The following RAG1 variants were observed in gnomAD, a reference collection of about 807,000 sequenced individuals.
RAG1 encodes V(D)J recombination-activating protein 1.
Under a neutral mutation model 62.7 loss-of-function variants are expected in RAG1, and 35 were observed. That is an observed-to-expected ratio of 0.56 (90% confidence interval 0.43 to 0.74). The LOEUF (loss-of-function observed/expected upper bound fraction) is 0.74. Ranked by LOEUF, RAG1 falls within the 30% of genes least tolerant of loss-of-function variation. RAG1 has a pLI of 0.00. For synonymous variants in RAG1, 461 were observed against 470.3 expected (o/e 0.98, Z 0.26); for missense variants, 1,169 against 1,278.6 (o/e 0.91, Z 1.31).
chr11:36,573,582 A>G lies in RAG1; in HGVS notation c.278A>G (p.Asp93Gly). The change falls in exon 2 of 2, where the codon GAC (aspartate) becomes GGC (glycine). Residue 93 changes from aspartate to glycine, a missense_variant. Around this residue, in one of 2 missense-constraint regions of RAG1, gnomAD observed 369 missense variants for 335.3 expected, o/e 1.10. Coordinates refer to ENST00000299440, the MANE Select transcript of RAG1 (RefSeq NM_000448.3). The stretch of plus-strand genomic sequence containing the variant: ...CCTAAGTTTTCAAAGAAATTTCACG[A>G]CAACGAGAAAGCAAGAGGCAAAGCG... ...AHPKFSKKFH[D>G]NEKARGKAIH... 2 of 1,614,220 alleles carry G rather than the reference A, an allele frequency of 1.2e-6. No homozygotes were observed. Among genetic ancestry groups the G allele is most frequent in the Middle Eastern group, 1.6e-4 (1 of 6,062 alleles).
At chr11:36,517,866 T>C (rs1034658122) in intron 1 of RAG1, among the ~76,000 whole-genome samples, 4 of 152,070 alleles carry the variant, frequency 2.6e-5, no homozygotes, top group African/African-American at 9.7e-5. Flanking sequence ...ACTTTAAGTT[T>C]TAGGGTACAT....
At chr11:36,529,632 A>G (rs540984442) in intron 2 of RAG1, among the ~76,000 whole-genome samples, 1 of 152,284 alleles carries the variant, frequency 6.6e-6, no homozygotes, top group South Asian at 2.1e-4. Flanking sequence ...TGGTATTGGA[A>G]GTTCTGGCCA....
intron 2 of RAG1, among the ~76,000 whole-genome samples, chr11:36,530,975 T>C (rs1860244307): frequency 1.3e-5 from 2 of 152,038 alleles, no homozygotes; most frequent in South Asian, 4.1e-4. Context: ...TTGTTTCACT[T>C]ATTTTTCAAC....
At chr11:36,537,540 TATC>T (rs1442765782), downstream of RAG1, among the ~76,000 whole-genome samples, 1 of 152,218 alleles carries the variant, frequency 6.6e-6, no homozygotes. Context: ...CATTTTATAT[TATC>T]ATACTTCCTT....
chr11:36,542,461 G>A (rs79698762), intron 3 of RAG1, among the ~76,000 whole-genome samples: 1,948 of 152,304 alleles, frequency 0.013, 23 homozygotes, highest in East Asian at 0.035. Flanking sequence ...GGCTGAGTTG[G>A]GAAAGTTGGG....
chr11:36,526,501 T>C (rs1442706193), intron 2 of RAG1, among the ~76,000 whole-genome samples: 1 of 152,186 alleles, frequency 6.6e-6, no homozygotes, highest in Non-Finnish European at 1.5e-5. Flanking sequence ...TTTGGGTTGG[T>C]TACAAGTCCT....
chr11:36,561,872 GT>G (rs1850589695), intron 3 of RAG1, among the ~76,000 whole-genome samples: 1 of 152,094 alleles, frequency 6.6e-6, no homozygotes, highest in Admixed American at 6.5e-5. Context: ...TATTGGCTCC[GT>G]TTTTCTGAAG....
intron 2 of RAG1, among the ~76,000 whole-genome samples, chr11:36,521,668 G>T (rs187829411): frequency 3.9e-4 from 60 of 152,288 alleles, no homozygotes; most frequent in East Asian, 2.7e-3. Context: ...ACAGGGAGAG[G>T]TTGGAACAGC....
chr11:36,528,697 A>G (rs955966889), intron 2 of RAG1, among the ~76,000 whole-genome samples: 1 of 152,176 alleles, frequency 6.6e-6, no homozygotes, highest in African/African-American at 2.4e-5. Flanking sequence ...AAAAAAATCA[A>G]TGAATCCAGG....
At chr11:36,523,222 C>T (rs559320404) in intron 2 of RAG1, among the ~76,000 whole-genome samples, 4 of 152,256 alleles carry the variant, frequency 2.6e-5, no homozygotes, top group Admixed American at 6.5e-5. Flanking sequence ...ATAATTCCCA[C>T]GTGTTATGGG....
chr11:36,530,939 A>G (rs1363850666), intron 2 of RAG1, among the ~76,000 whole-genome samples: 1 of 151,644 alleles, frequency 6.6e-6, no homozygotes, highest in African/African-American at 2.4e-5. Context: ...GGATTTGTCT[A>G]TTTCTCCTTT....
chr11:36,562,442 G>A (rs915417070), intron 3 of RAG1, among the ~76,000 whole-genome samples: 2 of 152,146 alleles, frequency 1.3e-5, no homozygotes, highest in Admixed American at 6.5e-5. Context: ...AGTCAGAGAG[G>A]TTATGAAATG....
chr11:36,561,343 G>A (rs1408809541), intron 3 of RAG1, among the ~76,000 whole-genome samples: 1 of 152,192 alleles, frequency 6.6e-6, no homozygotes, highest in African/African-American at 2.4e-5. Context: ...TGAGGATGAG[G>A]TGAGGTCTTT....
intron 3 of RAG1, among the ~76,000 whole-genome samples, chr11:36,543,925 G>A (rs1469597306): frequency 6.6e-6 from 1 of 152,136 alleles, no homozygotes; most frequent in African/African-American, 2.4e-5. Context: ...TTGCATGTTT[G>A]ATGTTTTCCA....
At chr11:36,557,674 C>G (rs1850523836) in intron 3 of RAG1, among the ~76,000 whole-genome samples, 1 of 149,962 alleles carries the variant, frequency 6.7e-6, no homozygotes, top group Non-Finnish European at 1.5e-5. Flanking sequence ...AATGCAGTCA[C>G]ATTCTGAGGT....
At chr11:36,562,641 C>A (rs1433110587) in intron 3 of RAG1, among the ~76,000 whole-genome samples, 2 of 152,182 alleles carry the variant, frequency 1.3e-5, no homozygotes, top group African/African-American at 4.8e-5. Flanking sequence ...TTGACCTCTT[C>A]TTCTTCCTCC....
intron 3 of RAG1, among the ~76,000 whole-genome samples, chr11:36,543,254 G>A (rs913465444): frequency 1.3e-5 from 2 of 152,142 alleles, no homozygotes; most frequent in Non-Finnish European, 2.9e-5. Flanking sequence ...CTGTACCTCT[G>A]CCTCCTCCTT....
At position 36,576,291 on chromosome 11, in the gene RAG1, T is replaced by A. The variant is rs1850850118; in HGVS notation, c.2987T>A (p.Leu996Ter). 1 of 1,614,068 alleles carries A rather than the reference T, an allele frequency of 6.2e-7. No homozygotes were observed. Among genetic ancestry groups the A allele is most frequent in the Non-Finnish European group, 8.5e-7 (1 of 1,180,030 alleles). Residue 996 changes from leucine (L) to a stop codon, truncating the protein, a stop_gained, in exon 2 of 2, where the codon TTG (leucine) becomes TAG (stop). Coordinates refer to ENST00000299440, the MANE Select transcript of RAG1 (RefSeq NM_000448.3). LOFTEE classifies it high-confidence loss of function. Reference sequence around the variant, plus strand: ...GAAGATGTCCTGAAACACCACTGGTTGTACACCTCCAAATACCTCCAGAAG... The same window carrying A: ...GAAGATGTCCTGAAACACCACTGGTAGTACACCTCCAAATACCTCCAGAAG... The part of the protein sequence containing the change: ...EMEDVLKHHW[L>*]YTSKYLQKFM...
chr11:36,574,741 C>G lies in RAG1; in HGVS notation c.1437C>G (p.Leu479=), dbSNP rs1205339687. 1 of 1,614,254 alleles carries G rather than the reference C, an allele frequency of 6.2e-7. No homozygotes were observed. The highest frequency in any genetic ancestry group is 8.5e-7 in the Non-Finnish European group (1 of 1,180,044). The part of the protein sequence containing the change: ...VCLAIRVNTF[L]SCSQYHKMYR... ...TGGCCATCCGTGTCAACACCTTCCT[C>G]AGCTGCAGTCAGTACCACAAGATGT... The change falls in exon 2 of 2, where the codon CTC becomes CTG. Residue 479 remains leucine (L), a synonymous_variant. Coordinates refer to ENST00000299440, the MANE Select transcript of RAG1 (RefSeq NM_000448.3).
Sources: allele counts gnomAD v4.1 joint callset (sites outside exome capture counted in the v4.1 genomes callset), GRCh38; gene constraint gnomAD v4.1.1; regional missense constraint gnomAD v4.1.1; transcripts MANE v1.5; gene names NCBI Gene and HGNC (gene_info 2026-07-23, HGNC 2026-07-21).